COL28A1: variants seen among roughly 807,000 people sequenced by gnomAD.
COL28A1 encodes the protein collagen alpha-1(XXVIII) chain.
In COL28A1, 161 loss-of-function variants were observed where a neutral mutation model predicts 150.2. The observed-to-expected ratio is 1.07, with a 90% CI of 0.94 to 1.22. The LOEUF is 1.22. COL28A1 is among the 50% of genes most tolerant of loss of function. COL28A1 has a pLI of 0.00. For missense variants in COL28A1, 1,617 were observed against 1,388.3 expected, an observed-to-expected ratio of 1.16 and a Z score of -2.62; for synonymous variants, 552 against 469.7, an observed-to-expected ratio of 1.18 and a Z score of -2.26.
chr7:7,487,820 A>G (rs1324560088), intron 13 of COL28A1, among the ~76,000 whole-genome samples: 2 of 152,166 alleles, frequency 1.3e-5, no homozygotes, highest in African/African-American at 4.8e-5. Context: ...ATGCTGTATA[A>G]TTTCTGAGGC....
At chr7:7,450,763 G>T (rs949108159) in intron 18 of COL28A1, among the ~76,000 whole-genome samples, 1 of 152,086 alleles carries the variant, frequency 6.6e-6, no homozygotes, top group African/African-American at 2.4e-5. Flanking sequence ...CAAAAAGAAT[G>T]ACAAGCAATT....
chr7:7,401,817 T>TC (rs1252557908), intron 27 of COL28A1, among the ~76,000 whole-genome samples: 1 of 152,202 alleles, frequency 6.6e-6, no homozygotes, highest in Non-Finnish European at 1.5e-5. Flanking sequence ...TGCAAAACCC[T>TC]TCAAGAACTT....
At position 7,531,529 on chromosome 7, in the gene COL28A1, T is replaced by G; in HGVS notation, c.500A>C (p.Lys167Thr). 6.2e-7 allele frequency: 1 copy of G among 1,612,198 alleles called. No individual in the cohort carries two copies. The highest frequency in any genetic ancestry group is 8.5e-7 in the Non-Finnish European group (1 of 1,178,380). ...AGAAATACTTTGAACATCTGGATTC[T>G]TTGGATGGTCGATGCCATCAGTCAT... is the stretch of plus-strand genomic sequence containing the variant. ...LLMTDGIDHP[K>T]NPDVQSISED... The change falls in exon 3 of 35, where the codon AAG becomes ACG. Residue 167 changes from lysine to threonine, a missense_variant. Coordinates refer to ENST00000399429, the MANE Select transcript of COL28A1 (RefSeq NM_001037763.3).
rs201640837 is a variant in COL28A1 at position 7,358,835 on chromosome 7, G to T, written c.3206-30C>A. On this transcript the variant is annotated intron_variant, in intron 34 of 34. Coordinates refer to ENST00000399429, the MANE Select transcript of COL28A1 (RefSeq NM_001037763.3). ...AGTGAGAAAAGGAAAATGTGTCACG[G>T]ATTTTTCTTATACTGAAGACATGAA... 5.1e-4 allele frequency: 800 copies of T among 1,570,366 alleles called. 1 individual carries two copies. The highest frequency in any genetic ancestry group is 6.4e-4 in the Non-Finnish European group (739 of 1,153,630).
At position 7,364,701 on chromosome 7, in the gene COL28A1, A is replaced by G. The variant is rs115766010; in HGVS notation, c.3067-4173T>C. On this transcript the variant is annotated intron_variant, in intron 33 of 34. Transcript: ENST00000399429. ...TTTACAAGGCCTTACCTAGCTAATA[A>G]CCCTAAGATGGGTAGAGGAAAAAAA... 9.3e-3 allele frequency among the ~76,000 whole-genome samples: 1,414 copies of G among 152,104 alleles called. 23 individuals carry two copies. The highest frequency in any genetic ancestry group is 0.033 in the African/African-American group (1,348 of 41,458).
chr7:7,419,186 C>G (rs77160714), intron 26 of COL28A1, among the ~76,000 whole-genome samples: 2,391 of 152,274 alleles, frequency 0.016, 52 homozygotes, highest in African/African-American at 0.055. Flanking sequence ...CTAGGTTTCT[C>G]AAACTCAGCA....
chr7:7,354,232 G>A (rs1056504764), downstream of COL28A1, among the ~76,000 whole-genome samples: 5 of 151,888 alleles, frequency 3.3e-5, no homozygotes, highest in Admixed American at 1.3e-4. Flanking sequence ...GGGCTCAAGC[G>A]ATCTGCCCAC....
rs779295767 is a variant in COL28A1 at position 7,531,923 on chromosome 7, G to A, written c.125-19C>T. Reference sequence around the variant, plus strand: ...ATGGAGCCTGAAACAGAATAAACAGGTTAGGCAAAATAATTATTCCTATCA... The same window carrying A: ...ATGGAGCCTGAAACAGAATAAACAGATTAGGCAAAATAATTATTCCTATCA... On this transcript the variant is annotated intron_variant, in intron 2 of 34. Coordinates refer to ENST00000399429, the MANE Select transcript of COL28A1 (RefSeq NM_001037763.3). The A allele has an allele frequency of 1.8e-5, 27 of 1,485,848 alleles. No individual in the cohort carries two copies. Among genetic ancestry groups the A allele is most frequent in the South Asian group, 2.4e-5 (2 of 84,914 alleles). 92.0% of individuals were successfully genotyped at this position (1,485,848 alleles called of 1,614,324 possible).
Position 7,426,750 on chromosome 7 carries a change from ACTT to A in COL28A1, c.1998+5720_1998+5722del, listed in dbSNP as rs989956195. Among the ~76,000 whole-genome samples the A allele has an allele frequency of 9.5e-4, 145 of 152,278 alleles. 2 individuals carry two copies. The highest frequency in any genetic ancestry group is 2.5e-3 in the African/African-American group (105 of 41,548). On this transcript the variant is annotated intron_variant, in intron 25 of 34. Transcript: ENST00000399429. ...TCTCATAGTCCCTGACAATTTTAAAACTTCTTATTTTTTCCTTTTCTCAAAATC... is the reference window on the plus strand; with the variant it reads ...TCTCATAGTCCCTGACAATTTTAAAACTTATTTTTTCCTTTTCTCAAAATC...
chr7:7,432,432 C>T (rs1252004306), intron 25 of COL28A1, 41 bp downstream of exon 25: 11 of 1,545,796 alleles, frequency 7.1e-6, no homozygotes, highest in South Asian at 1.1e-5. Context: ...CCTATAGGTG[C>T]ACTCTTAGAA....
chr7:7,383,734 C>G (rs1782026470), intron 27 of COL28A1, among the ~76,000 whole-genome samples: 1 of 139,352 alleles, frequency 7.2e-6, no homozygotes, highest in Non-Finnish European at 1.5e-5. Context: ...TTGATCGTCT[C>G]TCTGCTATAA....
At chr7:7,393,397 G>C (rs546205463) in intron 27 of COL28A1, among the ~76,000 whole-genome samples, 1 of 152,186 alleles carries the variant, frequency 6.6e-6, no homozygotes, top group Non-Finnish European at 1.5e-5. Context: ...ATGTCTGCTG[G>C]TGGGAGGTGT....
At chr7:7,495,793 G>T (rs1216410406) in intron 11 of COL28A1, among the ~76,000 whole-genome samples, 1 of 152,120 alleles carries the variant, frequency 6.6e-6, no homozygotes, top group Non-Finnish European at 1.5e-5. Flanking sequence ...ACCCACTCTA[G>T]CATGCTCCAA....
chr7:7,427,360 G>A (rs747885270), intron 25 of COL28A1, among the ~76,000 whole-genome samples: 1 of 152,166 alleles, frequency 6.6e-6, no homozygotes, highest in Non-Finnish European at 1.5e-5. Context: ...TCATATTATA[G>A]GGAGGTGGCT....
chr7:7,417,973 G>A (rs752910554), intron 26 of COL28A1, 46 bp from the exon 27 acceptor site: 16 of 1,510,284 alleles, frequency 1.1e-5, no homozygotes, highest in Middle Eastern at 1.7e-4. Context: ...TAAGAAGATC[G>A]AAGAAGAAAC....
intron 33 of COL28A1, among the ~76,000 whole-genome samples, chr7:7,369,733 C>T (rs1334079371): frequency 6.6e-6 from 1 of 152,116 alleles, no homozygotes; most frequent in Non-Finnish European, 1.5e-5. Context: ...GGCCCTGAGT[C>T]CAACTACTGA....
Position 7,373,283 on chromosome 7 carries a change from T to C in COL28A1, c.2623A>G (p.Thr875Ala). 1 of 1,614,214 alleles carries C rather than the reference T, an allele frequency of 6.2e-7. No individual in the cohort carries two copies. The highest frequency in any genetic ancestry group is 2.2e-5 in the East Asian group (1 of 44,888). Residue 875 changes from threonine (T) to alanine (A), a missense_variant, in exon 32 of 35, where the codon ACA becomes GCA. Coordinates refer to ENST00000399429, the MANE Select transcript of COL28A1 (RefSeq NM_001037763.3). This position sits in a 1 kb window ranked among gnomAD's most constrained non-coding sequence, Gnocchi z 4.1. ...VDNMQYLGEG[T>A]YTATALQAAN... Reference sequence around the variant, plus strand: ...GCTTGCAGAGCAGTGGCTGTGTATGTGCCTTCCCCCAGATACTGCATGTTG... The same window carrying C: ...GCTTGCAGAGCAGTGGCTGTGTATGCGCCTTCCCCCAGATACTGCATGTTG...
At chr7:7,372,442 T>TAAAA (rs1554260229) in intron 32 of COL28A1, among the ~76,000 whole-genome samples, 3,678 of 143,882 alleles carry the variant, frequency 0.026, 184 homozygotes, top group African/African-American at 0.1. Context: ...AATAAATAAA[T>TAAAA]GGTTGTTCTT....
At chr7:7,540,626 C>T (rs1157529179), upstream of COL28A1, among the ~76,000 whole-genome samples, 3 of 152,098 alleles carry the variant, frequency 2.0e-5, no homozygotes, top group Non-Finnish European at 1.5e-5. Context: ...TAGGCCTTTG[C>T]GCTATCCAGG....
Sources: allele counts gnomAD v4.1 joint callset (sites outside exome capture counted in the v4.1 genomes callset), GRCh38; gene constraint gnomAD v4.1.1; non-coding constraint Gnocchi (gnomAD v3.1); transcripts MANE v1.5; gene names NCBI Gene and HGNC (gene_info 2026-07-23, HGNC 2026-07-21).